MUC17: variants seen among roughly 807,000 people sequenced by gnomAD.
MUC17 encodes the protein mucin 17, cell surface associated, also known as mucin-17.
A neutral mutation model predicts 170.3 loss-of-function variants in MUC17; 190 were observed. The ratio of observed to expected loss-of-function variants is 1.12; its 90% CI spans 0.99 to 1.26. MUC17 has a LOEUF of 1.26. Among genes scored for constraint, MUC17 ranks in the 50% most tolerant of loss-of-function variants. The pLI is 0.00. For missense variants in MUC17, 6,415 were observed against 5,530.0 expected (o/e 1.16, Z -5.08); for synonymous variants, 2,325 against 2,002.5 (o/e 1.16, Z -4.30).
intron 9 of MUC17, 64 bp downstream of exon 9, chr7:101,052,026 G>A: frequency 4.5e-6 from 7 of 1,552,798 alleles, no homozygotes; most frequent in Admixed American, 1.8e-5. Flanking sequence ...CCCCTGCAGG[G>A]CTTCACCCCA....
chr7:101,022,973 G>A (rs1005146596), intron 1 of MUC17, among the ~76,000 whole-genome samples: 1 of 152,066 alleles, frequency 6.6e-6, no homozygotes, highest in African/African-American at 2.4e-5. Context: ...AGCAATCTCC[G>A]TGCCTTACAA....
Position 101,040,857 on chromosome 7 carries a change from A to G in MUC17, c.9441A>G (p.Thr3147=). 1 of 1,610,600 alleles carries G rather than the reference A, an allele frequency of 6.2e-7. No individual in the cohort carries two copies. The highest frequency in any genetic ancestry group is 1.1e-5 in the South Asian group (1 of 90,904). The change falls in exon 3 of 13, where the codon ACA becomes ACG. Residue 3147 remains threonine, a synonymous_variant. Coordinates refer to ENST00000306151, the MANE Select transcript of MUC17 (RefSeq NM_001040105.2). The part of the protein sequence containing the change: ...TTSTEAHSSP[T]TSEGTSMPTS... ...CTACTGAAGCCCATTCATCTCCTAC[A>G]ACTTCTGAAGGTACCAGCATGCCAA...
rs114028181 is a variant in MUC17 at position 101,035,481 on chromosome 7, C to T, written c.4065C>T (p.Ser1355=). The change falls in exon 3 of 13, where the codon AGC becomes AGT. Residue 1355 remains serine, a synonymous_variant. Transcript: ENST00000306151. ...CACTGGTGGCCAGTTCTGCAATCAG[C>T]ATCCTTTCAACAACTCCTGTTGACA... ...NTTLVASSAI[S]ILSTTPVDNS... 5.5e-4 allele frequency: 876 copies of T among 1,602,162 alleles called. 5 individuals are homozygous for T. In the African/African-American group the frequency reaches 0.01, roughly 19 times the overall value.
In MUC17 at chr7:101,039,992, T is replaced by C. The variant is rs763059936; in HGVS notation, c.8576T>C (p.Val2859Ala). 1.3e-5 allele frequency: 21 copies of C among 1,613,076 alleles called. 1 individual carries two copies. The Admixed American group carries it at 3.5e-4, about 27-fold the overall frequency. Residue 2859 changes from valine (V) to alanine (A), a missense_variant, in exon 3 of 13, where the codon GTG becomes GCG. Physicochemically the swap from Val to Ala is moderately conservative, Grantham distance 64 (BLOSUM62 0). Transcript: ENST00000306151. ...SSPTTAEGIV[V>A]PISTASEGST... is the part of the protein sequence containing the mutation. ...CCTACAACTGCTGAAGGTATCGTCGTGCCAATCTCAACTGCTAGTGAAGGA... is the reference window on the plus strand; with the variant it reads ...CCTACAACTGCTGAAGGTATCGTCGCGCCAATCTCAACTGCTAGTGAAGGA...
At position 101,032,510 on chromosome 7, in the gene MUC17, T is replaced by A. The variant is rs780984346; in HGVS notation, c.1094T>A (p.Val365Glu). The A allele has an allele frequency of 1.9e-6, 3 of 1,614,222 alleles. No homozygotes were observed. The highest frequency in any genetic ancestry group is 2.5e-6 in the Non-Finnish European group (3 of 1,180,036). ...ACTCCTGTTGACACCAGCACACTTG[T>A]GACCACTTCTACTGAACCCAGTTCA... The part of the protein sequence containing the change: ...SITPVDTSTL[V>E]TTSTEPSSLP... Residue 365 changes from valine to glutamate, a missense_variant, in exon 3 of 13, where the codon GTG (valine) becomes GAG (glutamate). By Grantham distance (121) the Val-to-Glu change is moderately radical. Transcript: ENST00000306151.
Position 101,041,336 on chromosome 7 carries a change from A to C in MUC17, c.9920A>C (p.Asp3307Ala), listed in dbSNP as rs755232245. Residue 3307 changes from aspartate (D) to alanine (A), a missense_variant, in exon 3 of 13, where the codon GAC (aspartate) becomes GCC (alanine). Physicochemically the swap from Asp to Ala is moderately radical, Grantham distance 126. Coordinates refer to ENST00000306151, the MANE Select transcript of MUC17 (RefSeq NM_001040105.2). Reference protein sequence around the residue: ...ETSTLSTTPADTSTPVTTYSQ... With the variant: ...ETSTLSTTPAATSTPVTTYSQ... ...AGCACCCTTTCAACAACTCCTGCTG[A>C]CACCAGCACACCTGTGACCACTTAT... 1.2e-6 allele frequency: 2 copies of C among 1,611,280 alleles called. No homozygotes were observed. Among genetic ancestry groups the C allele is most frequent in the Non-Finnish European group, 1.7e-6 (2 of 1,178,212 alleles).
rs761149853 is a variant in MUC17, at chr7:101,041,514, C to T, written c.10098C>T (p.Asp3366=). The T allele has an allele frequency of 3.1e-6, 5 of 1,613,872 alleles. No homozygotes were observed. In the East Asian group the frequency reaches 1.1e-4, roughly 36 times the overall value. The change falls in exon 3 of 13, where the codon GAC becomes GAT. Residue 3366 remains aspartate, a synonymous_variant. Transcript: ENST00000306151. ...EASTLSTTPV[D]TSTPVTTSTE... ...GCACCCTTTCCACAACTCCTGTTGA[C>T]ACCAGCACACCTGTCACCACTTCTA...
At chr7:101,045,639 C>T (rs566499659) in intron 3 of MUC17, among the ~76,000 whole-genome samples, 47 of 152,306 alleles carry the variant, frequency 3.1e-4, no homozygotes, top group South Asian at 1.0e-3. Flanking sequence ...GTGATCCACC[C>T]GCCTCAGCTT....
intron 9 of MUC17, among the ~76,000 whole-genome samples, chr7:101,052,260 G>C (rs1794962253): frequency 6.6e-6 from 1 of 152,172 alleles, no homozygotes; most frequent in Non-Finnish European, 1.5e-5. Context: ...ACAGAGCCTT[G>C]CTCTCTCTCC....
At chr7:101,023,064 C>T (rs919750634) in intron 1 of MUC17, among the ~76,000 whole-genome samples, 3 of 151,768 alleles carry the variant, frequency 2.0e-5, no homozygotes, top group African/African-American at 7.2e-5. Flanking sequence ...CCTCTGAAGT[C>T]GCCAGGGAAG....
chr7:101,035,594 A>G lies in MUC17; in HGVS notation c.4178A>G (p.Glu1393Gly). ...GTSMPNSNPS[E>G]GTTPLTSIPV... is the part of the protein sequence containing the mutation. ...AGCATGCCAAACTCAAATCCTAGTG[A>G]AGGAACCACTCCGTTAACAAGTATA... Residue 1393 changes from glutamate to glycine, a missense_variant, in exon 3 of 13, where the codon GAA becomes GGA. Transcript: ENST00000306151. The G allele has an allele frequency of 6.2e-7, 1 of 1,613,422 alleles. No individual in the cohort carries two copies. Among genetic ancestry groups the G allele is most frequent in the Non-Finnish European group, 8.5e-7 (1 of 1,179,862 alleles).
intron 1 of MUC17, among the ~76,000 whole-genome samples, chr7:101,025,037 T>G (rs544683670): frequency 1.3e-5 from 2 of 151,194 alleles, no homozygotes; most frequent in South Asian, 4.2e-4. Flanking sequence ...AAAGAAAAAT[T>G]TAATGGGTTT....
intron 1 of MUC17, among the ~76,000 whole-genome samples, chr7:101,026,492 G>A (rs989803270): frequency 5.3e-5 from 8 of 152,322 alleles, no homozygotes; most frequent in African/African-American, 1.7e-4. Context: ...CTGAGATAAT[G>A]GGGCTGAGAC....
At chr7:101,028,586 A>AG (rs1285406893) in intron 1 of MUC17, among the ~76,000 whole-genome samples, 3 of 151,960 alleles carry the variant, frequency 2.0e-5, no homozygotes, top group Non-Finnish European at 2.9e-5. Context: ...CAGTTATAGA[A>AG]GCTATTTTGG....
intron 11 of MUC17, among the ~76,000 whole-genome samples, chr7:101,054,429 A>G (rs1479119124): frequency 6.6e-6 from 1 of 152,214 alleles, no homozygotes; most frequent in Non-Finnish European, 1.5e-5. Context: ...AAAGAAGGAA[A>G]TATGTGGAAT....
rs778568064 is a variant in MUC17 at position 101,036,424 on chromosome 7, T to A, written c.5008T>A (p.Ser1670Thr). 1 of 1,612,678 alleles carries A rather than the reference T, an allele frequency of 6.2e-7. No individual in the cohort carries two copies. The highest frequency in any genetic ancestry group is 8.5e-7 in the Non-Finnish European group (1 of 1,179,556). The change falls in exon 3 of 13, where the codon TCA (serine) becomes ACA (threonine). Residue 1670 changes from serine (S) to threonine (T), a missense_variant. Coordinates refer to ENST00000306151, the MANE Select transcript of MUC17 (RefSeq NM_001040105.2). ...TGTGATCACTTCTACTGAAGTCAGT[T>A]CATCTCCTACACCTGCTGAAGGTAC... ...SPVITSTEVS[S>T]SPTPAEGTSM...
chr7:101,057,731 T>C (rs939971168), intron 12 of MUC17, among the ~76,000 whole-genome samples: 3 of 151,868 alleles, frequency 2.0e-5, no homozygotes, highest in African/African-American at 7.3e-5. Context: ...AATTTAAAAA[T>C]TATTCAGGTG....
rs748284769 is a variant in MUC17, at chr7:101,031,763, G to T, written c.347G>T (p.Arg116Ile). The change falls in exon 3 of 13, where the codon AGA becomes ATA. Residue 116 changes from arginine (R) to isoleucine (I), a missense_variant. Coordinates refer to ENST00000306151, the MANE Select transcript of MUC17 (RefSeq NM_001040105.2). ...ACCAGGATGACACCAACAGAATCCAGAACAACTTCAGAATCTACCAGTGAC... is the reference window on the plus strand; with the variant it reads ...ACCAGGATGACACCAACAGAATCCATAACAACTTCAGAATCTACCAGTGAC... ...SSTRMTPTESRTTSESTSDST... is the reference protein window; with the variant it reads ...SSTRMTPTESITTSESTSDST... 6.2e-7 allele frequency: 1 copy of T among 1,608,676 alleles called. No individual in the cohort carries two copies. Among genetic ancestry groups the T allele is most frequent in the Non-Finnish European group, 8.5e-7 (1 of 1,175,078 alleles).
chr7:101,048,455 G>T (rs973565105), intron 4 of MUC17, among the ~76,000 whole-genome samples: 2 of 151,692 alleles, frequency 1.3e-5, no homozygotes, highest in African/African-American at 2.4e-5. Flanking sequence ...ACTTGACTGG[G>T]TGTGGTGGTG....
Sources: gnomAD v4.1 joint callset for allele counts (sites outside exome capture counted in the v4.1 genomes callset) on GRCh38, gnomAD v4.1.1 for gene constraint, MANE v1.5 for transcripts, NCBI Gene and HGNC (gene_info 2026-07-23, HGNC 2026-07-21) for gene names.